Variants in TSEN34 observed in about 807,000 individuals in gnomAD.
TSEN34 encodes tRNA splicing endonuclease subunit 34.
In TSEN34, 25 loss-of-function variants were observed where a neutral mutation model predicts 30.2. That is an observed-to-expected ratio of 0.83 (90% CI 0.60 to 1.16). The LOEUF (loss-of-function observed/expected upper bound fraction) is 1.16, where lower values mean the gene tolerates loss of function less well. Among genes scored for constraint, TSEN34 ranks in the 50% most tolerant of loss-of-function variants. TSEN34 has a pLI of 0.00. For missense variants in TSEN34, 475 were observed against 411.9 expected, an observed-to-expected ratio of 1.15 and a Z score of -1.33; for synonymous variants, 209 against 177.4, an observed-to-expected ratio of 1.18 and a Z score of -1.41.
Position 54,193,484 on chromosome 19 carries a change from A to G in TSEN34, c.*122A>G. 1 of 1,553,016 alleles carries G rather than the reference A, an allele frequency of 6.4e-7. No individual in the cohort carries two copies. The highest frequency in any genetic ancestry group is 8.7e-7 in the Non-Finnish European group (1 of 1,148,656). On this transcript the variant is annotated 3_prime_UTR_variant, in exon 4 of 4. Transcript: ENST00000396388. Reference sequence around the variant, plus strand: ...TTCTCCGCGGTTAGTTTTTGATTCCAGGTTTTCGAACACTACATCTTTTTT... The same window carrying G: ...TTCTCCGCGGTTAGTTTTTGATTCCGGGTTTTCGAACACTACATCTTTTTT...
chr19:54,190,945 A>G (rs2076653213), upstream of TSEN34: 3 of 1,055,512 alleles, frequency 2.8e-6, no homozygotes, highest in African/African-American at 1.7e-5. Context: ...GGGGACGCCC[A>G]CTTTGCAAGA....
At position 54,193,657 on chromosome 19, in the gene TSEN34, T is replaced by G; in HGVS notation, c.*295T>G. The stretch of plus-strand genomic sequence containing the variant: ...TCAGGAGGTCTCAATAAACTTGGTA[T>G]ATAAATGTTCATGATTTGAATGTTT... On this transcript the variant is annotated 3_prime_UTR_variant, in exon 4 of 4. Transcript: ENST00000396388. The G allele has an allele frequency of 2.1e-6, 2 of 958,330 alleles. No individual in the cohort carries two copies. The highest frequency in any genetic ancestry group is 3.2e-6 in the Non-Finnish European group (2 of 619,454). 59.4% of individuals were successfully genotyped at this position (958,330 alleles called of 1,614,324 possible). A position where few individuals can be genotyped will look rare whatever the true frequency, so the allele number is the denominator to read the frequency against.
chr19:54,190,183 C>T (rs915145759), upstream of TSEN34: 4 of 601,492 alleles, frequency 6.7e-6, no homozygotes, highest in Admixed American at 5.7e-5. Flanking sequence ...TGGGGCGGAG[C>T]CAAGGTGGCC....
chr19:54,192,418 A>T, intron 3 of TSEN34, 45 bp downstream of exon 3: 1 of 1,597,500 alleles, frequency 6.3e-7, no homozygotes, highest in Non-Finnish European at 8.6e-7. Flanking sequence ...TTTCCATACG[A>T]TCCCAATGTA....
chr19:54,192,153 A>AG lies in TSEN34; in HGVS notation c.526dup (p.Ala176GlyfsTer32). On this transcript the variant is annotated frameshift_variant, in exon 3 of 4. Transcript: ENST00000396388. LOFTEE classifies it high-confidence loss of function. ...CCCAAGCAGGACCCTCAAATGGGGTAGCCCCCTTGCCCAGATCTGCTCTCC... is the reference window on the plus strand; with the variant it reads ...CCCAAGCAGGACCCTCAAATGGGGTAGGCCCCCTTGCCCAGATCTGCTCTCC... The AG allele has an allele frequency of 6.2e-7, 1 of 1,614,196 alleles. No individual in the cohort carries two copies. Among genetic ancestry groups the AG allele is most frequent in the Non-Finnish European group, 8.5e-7 (1 of 1,180,018 alleles).
At chr19:54,190,966 A>G (rs928800582), upstream of TSEN34, 12 of 1,075,166 alleles carry the variant, frequency 1.1e-5, no homozygotes, top group Non-Finnish European at 1.4e-5. Flanking sequence ...GGGTGGTGCC[A>G]AAATGGACCT....
upstream of TSEN34, chr19:54,190,464 A>G: frequency 7.2e-7 from 1 of 1,379,628 alleles, no homozygotes; most frequent in Non-Finnish European, 9.4e-7. Flanking sequence ...AGCCCGCCCG[A>G]GCGGAGAGTG....
intron 3 of TSEN34, 130 bp downstream of exon 3, chr19:54,192,503 C>T: frequency 7.1e-6 from 9 of 1,262,482 alleles, no homozygotes; most frequent in Non-Finnish European, 1.0e-5. Flanking sequence ...GGTCCCTATT[C>T]CTGGGCTCAA....
rs1481439511 is a variant in TSEN34, at chr19:54,191,916, G to A, written c.439G>A (p.Glu147Lys). ...QEAGSSQAAK[E>K]DETSDGQASG... ...GGCCGGCTCGAGCCAGGCTGCCAAA[G>A]AGGATGAGACCAGTGATGGCCAGGC... The change falls in exon 2 of 4, where the codon GAG becomes AAG. Residue 147 changes from glutamate to lysine, a missense_variant. Coordinates refer to ENST00000396388, the MANE Select transcript of TSEN34 (RefSeq NM_001077446.4). 37 of 1,614,050 alleles carry A rather than the reference G, an allele frequency of 2.3e-5. No individual in the cohort carries two copies. The highest frequency in any genetic ancestry group is 3.3e-5 in the Admixed American group (2 of 59,998).
upstream of TSEN34, chr19:54,191,280 A>AC: frequency 1.3e-6 from 2 of 1,534,580 alleles, no homozygotes; most frequent in Non-Finnish European, 1.8e-6. Context: ...CTTCGCCGAG[A>AC]CCCCGGAGGC....
In TSEN34 at chr19:54,191,476, C is replaced by G. The variant is rs2076692959; in HGVS notation, c.112C>G (p.Arg38Gly). ...GGGCCGCACGGTAGGCGCCCTGCCC[C>G]GCGGGCCCCGCCAGAACTCGCGCCT... is the stretch of plus-strand genomic sequence containing the variant. The part of the protein sequence containing the change: ...VGGRTVGALP[R>G]GPRQNSRLGL... Residue 38 changes from arginine to glycine, a missense_variant, in exon 1 of 4, where the codon CGC (arginine) becomes GGC (glycine). By Grantham distance (125) the Arg-to-Gly change is moderately radical. Transcript: ENST00000396388. 17 of 1,552,208 alleles carry G rather than the reference C, an allele frequency of 1.1e-5. No individual in the cohort carries two copies. The highest frequency in any genetic ancestry group is 1.5e-5 in the Non-Finnish European group (17 of 1,151,504).
At chr19:54,190,896 G>T (rs558854004), upstream of TSEN34, 257 of 1,045,516 alleles carry the variant, frequency 2.5e-4, no homozygotes, top group African/African-American at 3.8e-3. Context: ...CGGTGCCTTA[G>T]CCTCCAGAGC....
At position 54,191,385 on chromosome 19, in the gene TSEN34, G is replaced by T. The variant is rs1264989355; in HGVS notation, c.21G>T (p.Ala7=). The change falls in exon 1 of 4, where the codon GCG becomes GCT. Residue 7 remains alanine, a synonymous_variant. Transcript: ENST00000396388. MLVVEV[A]NGRSLVWGAE... is the part of the protein sequence containing the mutation. ...GGAGGATGCTGGTGGTGGAGGTGGC[G>T]AACGGCCGCTCCCTGGTGTGGGGAG... The T allele has an allele frequency of 6.5e-7, 1 of 1,549,784 alleles. No individual in the cohort carries two copies. Among genetic ancestry groups the T allele is most frequent in the South Asian group, 1.2e-5 (1 of 84,158 alleles).
At position 54,192,156 on chromosome 19, in the gene TSEN34, C is replaced by T; in HGVS notation, c.528C>T (p.Ala176=). ...AAGCAGGACCCTCAAATGGGGTAGCCCCCTTGCCCAGATCTGCTCTCCTTG... is the reference window on the plus strand; with the variant it reads ...AAGCAGGACCCTCAAATGGGGTAGCTCCCTTGCCCAGATCTGCTCTCCTTG... ...SSQAGPSNGV[A]PLPRSALLVQ... The change falls in exon 3 of 4, where the codon GCC becomes GCT. Residue 176 remains alanine, a synonymous_variant. Coordinates refer to ENST00000396388, the MANE Select transcript of TSEN34 (RefSeq NM_001077446.4). 7 of 1,614,206 alleles carry T rather than the reference C, an allele frequency of 4.3e-6. No homozygotes were observed. The highest frequency in any genetic ancestry group is 5.1e-6 in the Non-Finnish European group (6 of 1,180,028).
intron 3 of TSEN34, among the ~76,000 whole-genome samples, chr19:54,192,852 AAAAC>A (rs1216576555): frequency 6.6e-6 from 1 of 152,064 alleles, no homozygotes; most frequent in Non-Finnish European, 1.5e-5. Flanking sequence ...TAAAAATACT[AAAAC>A]TAACTGGGCG....
Position 54,193,280 on chromosome 19 carries a change from T to C in TSEN34, c.851T>C (p.Val284Ala). Reference sequence around the variant, plus strand: ...GCTGCTGGGCGCCTTGGAACCAGCGTCAGAAAGACCCTGCTCCTCTGTTCT... The same window carrying C: ...GCTGCTGGGCGCCTTGGAACCAGCGCCAGAAAGACCCTGCTCCTCTGTTCT... ...LVAAGRLGTS[V>A]RKTLLLCSPQ... The change falls in exon 4 of 4, where the codon GTC becomes GCC. Residue 284 changes from valine to alanine, a missense_variant. Coordinates refer to ENST00000396388, the MANE Select transcript of TSEN34 (RefSeq NM_001077446.4). 6.2e-7 allele frequency: 1 copy of C among 1,614,124 alleles called. No homozygotes were observed. The highest frequency in any genetic ancestry group is 8.5e-7 in the Non-Finnish European group (1 of 1,180,030).
upstream of TSEN34, chr19:54,189,928 T>C (rs2076595036): frequency 1.1e-5 from 3 of 267,794 alleles, no homozygotes; most frequent in Non-Finnish European, 2.2e-5. Flanking sequence ...CGGCCGGATG[T>C]GGGTGGGGCC....
At chr19:54,191,985 C>T (rs2076724577) in intron 2 of TSEN34, 21 bp downstream of exon 2, 4 of 1,614,084 alleles carry the variant, frequency 2.5e-6, no homozygotes, top group Admixed American at 3.3e-5. Flanking sequence ...GAGGTGGAGT[C>T]CAGGGACCAC....
upstream of TSEN34, chr19:54,191,267 G>T: frequency 6.6e-7 from 1 of 1,522,408 alleles, no homozygotes; most frequent in Non-Finnish European, 8.8e-7. Context: ...CCTAGGGGCG[G>T]GGCTTCGCCG....
Sources: allele counts gnomAD v4.1 joint callset (sites outside exome capture counted in the v4.1 genomes callset), GRCh38; gene constraint gnomAD v4.1.1; transcripts MANE v1.5; gene names NCBI Gene and HGNC (gene_info 2026-07-23, HGNC 2026-07-21).